The following AGAP1 variants were observed in gnomAD, a reference collection of about 807,000 sequenced individuals.
AGAP1 encodes the protein ArfGAP with GTPase domain, ankyrin repeat and PH domain 1, also known as arf-GAP with GTPase, ANK repeat and PH domain-containing protein 1.
AGAP1 carries 29 observed loss-of-function variants against 105.3 expected under a neutral mutation model. The observed-to-expected ratio is 0.28, with a 90% CI of 0.21 to 0.38. The LOEUF (loss-of-function observed/expected upper bound fraction) is 0.38. Ranked by LOEUF, AGAP1 falls within the 10% of genes least tolerant of loss-of-function variation. The pLI, the probability that AGAP1 is intolerant of heterozygous loss-of-function variation, is 1.00. For missense variants in AGAP1, 998 were observed against 1,165.1 expected (o/e 0.86, Z 2.09); for synonymous variants, 509 against 485.9 (o/e 1.05, Z -0.63).
rs891876988 is a variant in AGAP1, at chr2:235,517,994, C to T, written c.163+23145C>T. Among the ~76,000 whole-genome samples, 10 of 151,616 alleles carry T rather than the reference C, an allele frequency of 6.6e-5. No homozygotes were observed. Among genetic ancestry groups the T allele is most frequent in the African/African-American group, 1.7e-4 (7 of 41,244 alleles). ...ATAGTTGCCATTGAGGTCTGAGTCC[C>T]GGCTTGCCTCAGTTGGGGTTCTTGC... On this transcript the variant is annotated intron_variant, in intron 1 of 17. Coordinates refer to ENST00000304032, the MANE Select transcript of AGAP1 (RefSeq NM_001037131.3). This position sits in a 1 kb window ranked among gnomAD's most constrained non-coding sequence, Gnocchi z 4.1.
intron 14 of AGAP1, among the ~76,000 whole-genome samples, chr2:236,037,808 G>C (rs910018475): frequency 6.6e-6 from 1 of 152,102 alleles, no homozygotes; most frequent in Admixed American, 6.5e-5. Flanking sequence ...ATGTTTGTTT[G>C]TCTTTAACCT....
chr2:235,868,836 A>G lies in AGAP1; in HGVS notation c.1051-14509A>G, dbSNP rs114028408. On this transcript the variant is annotated intron_variant, in intron 9 of 17. Coordinates refer to ENST00000304032, the MANE Select transcript of AGAP1 (RefSeq NM_001037131.3). ...CACTTAACATTGCTTTTGGCTTTCA[A>G]TGACCTCTTGGGACTAGACAAAGAA... is the stretch of plus-strand genomic sequence containing the variant. Among the ~76,000 whole-genome samples, 1,372 of 152,310 alleles carry G rather than the reference A, an allele frequency of 9.0e-3. 14 individuals carry two copies. Among genetic ancestry groups the G allele is most frequent in the African/African-American group, 0.011 (440 of 41,572 alleles).
At chr2:235,513,240 C>CCGGGCGCGGGCGCGGGCG (rs111261000) in intron 1 of AGAP1, among the ~76,000 whole-genome samples, 14 of 151,492 alleles carry the variant, frequency 9.2e-5, no homozygotes, top group South Asian at 8.4e-4. Context: ...GATCACTGTG[C>CCGGGCGCGGGCGCGGGCG]CGGGCGCGGG....
At chr2:235,896,003 TA>T (rs1275632259) in intron 10 of AGAP1, among the ~76,000 whole-genome samples, 2 of 152,226 alleles carry the variant, frequency 1.3e-5, no homozygotes, top group Admixed American at 1.3e-4. Context: ...TCATTTTAAG[TA>T]TACTGTTCAG....
At chr2:235,896,345 G>A (rs765812642) in intron 10 of AGAP1, among the ~76,000 whole-genome samples, 40 of 152,348 alleles carry the variant, frequency 2.6e-4, no homozygotes, top group Non-Finnish European at 4.7e-4. Context: ...TTTGTCCATG[G>A]ATGGACACTT....
At chr2:236,007,576 A>G (rs765135605) in intron 13 of AGAP1, among the ~76,000 whole-genome samples, 1 of 152,256 alleles carries the variant, frequency 6.6e-6, no homozygotes, top group African/African-American at 2.4e-5. Context: ...TTGAAATATG[A>G]TAACACAATT....
At position 235,799,704 on chromosome 2, in the gene AGAP1, A is replaced by T. The variant is rs1203040374; in HGVS notation, c.957+182A>T. Among the ~76,000 whole-genome samples the T allele has an allele frequency of 6.6e-6, 1 of 152,188 alleles. No homozygotes were observed. Among genetic ancestry groups the T allele is most frequent in the East Asian group, 1.9e-4 (1 of 5,188 alleles). On this transcript the variant is annotated intron_variant, in intron 8 of 17. Coordinates refer to ENST00000304032, the MANE Select transcript of AGAP1 (RefSeq NM_001037131.3). This position sits in a 1 kb window ranked among gnomAD's most constrained non-coding sequence, Gnocchi z 5.0. ...AGCAAAGATTTGGATGTTGAGTAGA[A>T]TGGGAATTTCTTCATGTAGACATTC...
In AGAP1 at chr2:235,961,925, C is replaced by G. The variant is rs1170552062; in HGVS notation, c.1484-6537C>G. Among the ~76,000 whole-genome samples the G allele has an allele frequency of 6.6e-6, 1 of 152,044 alleles. No homozygotes were observed. Among genetic ancestry groups the G allele is most frequent in the African/African-American group, 2.4e-5 (1 of 41,410 alleles). ...TGTTTAGTGCCGGGTGCTGGGTGAG[C>G]GAGGGTGGGTGAGCATCCATTTCCC... On this transcript the variant is annotated intron_variant, in intron 12 of 17. Coordinates refer to ENST00000304032, the MANE Select transcript of AGAP1 (RefSeq NM_001037131.3). This position sits in a 1 kb window ranked among gnomAD's most constrained non-coding sequence, Gnocchi z 5.9.
At chr2:235,585,464 A>C (rs377319275) in intron 1 of AGAP1, among the ~76,000 whole-genome samples, 2 of 152,124 alleles carry the variant, frequency 1.3e-5, no homozygotes, top group South Asian at 2.1e-4. Flanking sequence ...ACCTCTTCAC[A>C]TGCACACAGT....
Position 235,927,706 on chromosome 2 carries a change from G to C in AGAP1, c.1325-3059G>C, listed in dbSNP as rs2052521948. 6.6e-6 allele frequency among the ~76,000 whole-genome samples: 1 copy of C among 152,172 alleles called. No individual in the cohort carries two copies. The highest frequency in any genetic ancestry group is 1.5e-5 in the Non-Finnish European group (1 of 68,032). Reference sequence around the variant, plus strand: ...TCAGTGATGGATGCACTGAAATACTGTCCTCTGCCTTTTAAAGGAAATTGT... The same window carrying C: ...TCAGTGATGGATGCACTGAAATACTCTCCTCTGCCTTTTAAAGGAAATTGT... On this transcript the variant is annotated intron_variant, in intron 11 of 17. Transcript: ENST00000304032. This position sits in a 1 kb window ranked among gnomAD's most constrained non-coding sequence, Gnocchi z 4.4.
intron 9 of AGAP1, among the ~76,000 whole-genome samples, chr2:235,823,226 G>A (rs1292068367): frequency 1.3e-5 from 2 of 151,988 alleles, no homozygotes; most frequent in Admixed American, 1.3e-4. Context: ...TATGTATTAT[G>A]TTAACAATTA....
In AGAP1 at chr2:235,601,282, G is replaced by C. The variant is rs1441806758; in HGVS notation, c.163+106433G>C. 2.0e-5 allele frequency among the ~76,000 whole-genome samples: 3 copies of C among 152,208 alleles called. No homozygotes were observed. In the South Asian group the frequency reaches 6.2e-4, roughly 32 times the overall value. On this transcript the variant is annotated intron_variant, in intron 1 of 17. Coordinates refer to ENST00000304032, the MANE Select transcript of AGAP1 (RefSeq NM_001037131.3). This position sits in a 1 kb window ranked among gnomAD's most constrained non-coding sequence, Gnocchi z 4.4. ...TGTCCTCTCTGTGCTTGGGGGTGGG[G>C]AGAGAGGCGAGAAGGGAAGGAGAAA...
chr2:235,669,868 T>C (rs1449543865), intron 1 of AGAP1: 1 of 147,530 alleles, frequency 6.8e-6, no homozygotes, highest in Admixed American at 6.7e-5. Context: ...CCGCCTCGCT[T>C]GGCCCCGCCG....
intron 9 of AGAP1, among the ~76,000 whole-genome samples, chr2:235,809,393 C>A (rs1338534979): frequency 6.6e-6 from 1 of 152,082 alleles, no homozygotes. Flanking sequence ...CAGGGAGCTC[C>A]TTGTCCCTCC....
Position 236,120,968 on chromosome 2 carries a change from T to TA in AGAP1, c.2370+524dup, listed in dbSNP as rs2059883477. ...TGCTTGAAGGAGTGAAAGAGAAGGA[T>TA]AAAGTGGTTGTGCAGAGAGGCCCTG... On this transcript the variant is annotated intron_variant, in intron 17 of 17. Coordinates refer to ENST00000304032, the MANE Select transcript of AGAP1 (RefSeq NM_001037131.3). This position sits in a 1 kb window ranked among gnomAD's most constrained non-coding sequence, Gnocchi z 6.0. Among the ~76,000 whole-genome samples the TA allele has an allele frequency of 1.3e-5, 2 of 152,214 alleles. No individual in the cohort carries two copies. Among genetic ancestry groups the TA allele is most frequent in the African/African-American group, 4.8e-5 (2 of 41,460 alleles).
chr2:235,607,257 C>T (rs1395536933), intron 1 of AGAP1, among the ~76,000 whole-genome samples: 4 of 152,176 alleles, frequency 2.6e-5, no homozygotes, highest in Admixed American at 2.6e-4. Flanking sequence ...GGAAATAGGA[C>T]ATTTTGTTGA....
chr2:235,617,779 G>C (rs892746905), intron 1 of AGAP1, among the ~76,000 whole-genome samples: 4 of 152,194 alleles, frequency 2.6e-5, no homozygotes, highest in African/African-American at 9.6e-5. Flanking sequence ...ATAGAAACAT[G>C]TCTTGCATAC....
chr2:235,575,307 G>A (rs1442888407), intron 1 of AGAP1, among the ~76,000 whole-genome samples: 2 of 152,136 alleles, frequency 1.3e-5, no homozygotes, highest in Admixed American at 6.5e-5. Context: ...GTTTTAATGT[G>A]TATTAAAAAG....
chr2:235,865,405 C>T lies in AGAP1; in HGVS notation c.1051-17940C>T, dbSNP rs1237606845. ...AGGGCACCCACAGTAACACGTGTGG[C>T]GCCGACCCCGCCGTGCGCAATCGGG... is the stretch of plus-strand genomic sequence containing the variant. On this transcript the variant is annotated intron_variant, in intron 9 of 17. Coordinates refer to ENST00000304032, the MANE Select transcript of AGAP1 (RefSeq NM_001037131.3). This position sits in a 1 kb window ranked among gnomAD's most constrained non-coding sequence, Gnocchi z 6.2. Among the ~76,000 whole-genome samples the T allele has an allele frequency of 2.6e-5, 4 of 152,320 alleles. No individual in the cohort carries two copies. The highest frequency in any genetic ancestry group is 2.4e-5 in the African/African-American group (1 of 41,580).
Sources: gnomAD v4.1 joint callset for allele counts (sites outside exome capture counted in the v4.1 genomes callset) on GRCh38, gnomAD v4.1.1 for gene constraint, Gnocchi (gnomAD v3.1) non-coding constraint, MANE v1.5 for transcripts, NCBI Gene and HGNC (gene_info 2026-07-23, HGNC 2026-07-21) for gene names.